WWP2: variants seen among roughly 807,000 people sequenced by gnomAD.
The protein encoded by WWP2 is WW domain containing E3 ubiquitin protein ligase 2, also known as NEDD4-like E3 ubiquitin-protein ligase WWP2.
A neutral mutation model predicts 121.0 loss-of-function variants in WWP2; 57 were observed. The ratio of observed to expected loss-of-function variants is 0.47; its 90% CI spans 0.38 to 0.59. The LOEUF (loss-of-function observed/expected upper bound fraction) is 0.59, where lower values mean the gene tolerates loss of function less well. Among genes scored for constraint, WWP2 ranks in the 20% least tolerant of loss-of-function variants. The probability of loss-of-function intolerance (pLI) is 0.00; values close to 1 mark genes in which losing one functional copy is unlikely to be tolerated. For missense variants in WWP2, 962 were observed against 1,158.9 expected (o/e 0.83, Z 2.47); for synonymous variants, 449 against 441.3 (o/e 1.02, Z -0.22).
chr16:69,917,841 C>T lies in WWP2; in HGVS notation c.1137C>T (p.Leu379=). 1 of 1,613,824 alleles carries T rather than the reference C, an allele frequency of 6.2e-7. No homozygotes were observed. The highest frequency in any genetic ancestry group is 2.2e-5 in the East Asian group (1 of 44,870). Residue 379 remains leucine, a synonymous_variant, in exon 10 of 24, where the codon CTC becomes CTT. Coordinates refer to ENST00000359154, the MANE Select transcript of WWP2 (RefSeq NM_001270454.2). Reference sequence around the variant, plus strand: ...AGTGGCAGTCGCAGCGGAATCAGCTCCAGGGGGCCATGCAGCACTTCAGCC... The same window carrying T: ...AGTGGCAGTCGCAGCGGAATCAGCTTCAGGGGGCCATGCAGCACTTCAGCC... ...YEQWQSQRNQ[L]QGAMQHFSQR... is the part of the protein sequence containing the mutation.
chr16:69,851,906 C>A (rs2057221163), intron 6 of WWP2, among the ~76,000 whole-genome samples: 1 of 152,124 alleles, frequency 6.6e-6, no homozygotes, highest in Non-Finnish European at 1.5e-5. Flanking sequence ...TAGCTTAAAT[C>A]TGGGGGGTGG....
At chr16:69,780,001 C>G (rs1265313883) in intron 1 of WWP2, among the ~76,000 whole-genome samples, 1 of 152,120 alleles carries the variant, frequency 6.6e-6, no homozygotes, top group African/African-American at 2.4e-5. Context: ...GCCATATTTG[C>G]CCCAGAACTT....
intron 2 of WWP2, among the ~76,000 whole-genome samples, chr16:69,790,220 C>G (rs984789562): frequency 1.3e-5 from 2 of 152,104 alleles, no homozygotes; most frequent in African/African-American, 4.8e-5. Context: ...GCACTCCAGC[C>G]TGGGCAACAA....
chr16:69,831,084 C>CT (rs1357905173), intron 4 of WWP2, among the ~76,000 whole-genome samples: 1 of 152,176 alleles, frequency 6.6e-6, no homozygotes, highest in Non-Finnish European at 1.5e-5. Flanking sequence ...GCTTGTTTCA[C>CT]TAAGCAGGTC....
chr16:69,856,402 T>C (rs966440769), intron 6 of WWP2, among the ~76,000 whole-genome samples: 1 of 152,140 alleles, frequency 6.6e-6, no homozygotes, highest in African/African-American at 2.4e-5. Context: ...AAACATTTGG[T>C]AAAACTTGCC....
chr16:69,831,203 T>G (rs1490023488), intron 4 of WWP2, among the ~76,000 whole-genome samples: 1 of 152,230 alleles, frequency 6.6e-6, no homozygotes, highest in Admixed American at 6.5e-5. Flanking sequence ...TGTTTCATGT[T>G]TCTCAAATTT....
At chr16:69,846,705 G>A (rs2057086988) in intron 6 of WWP2, among the ~76,000 whole-genome samples, 1 of 151,242 alleles carries the variant, frequency 6.6e-6, no homozygotes. Flanking sequence ...GAGTGATGGA[G>A]TGAGACTCTG....
chr16:69,795,593 C>T (rs1270887253), intron 2 of WWP2, among the ~76,000 whole-genome samples: 2 of 138,798 alleles, frequency 1.4e-5, no homozygotes, highest in Non-Finnish European at 3.1e-5. Context: ...GAAGAGTATA[C>T]AGTATTTATT....
chr16:69,794,930 C>T (rs558647966), intron 2 of WWP2, among the ~76,000 whole-genome samples: 16 of 152,026 alleles, frequency 1.1e-4, no homozygotes, highest in Non-Finnish European at 2.1e-4. Context: ...AAAAATATGT[C>T]TGGGGACTGG....
At chr16:69,776,633 C>A (rs1175552005) in intron 1 of WWP2, among the ~76,000 whole-genome samples, 1 of 152,042 alleles carries the variant, frequency 6.6e-6, no homozygotes, top group Non-Finnish European at 1.5e-5. Flanking sequence ...TGTTCGAGAC[C>A]AGCCTTAACA....
intron 6 of WWP2, among the ~76,000 whole-genome samples, chr16:69,864,863 C>T (rs928220141): frequency 2.0e-5 from 3 of 152,058 alleles, no homozygotes; most frequent in African/African-American, 4.8e-5. Context: ...CCGCCTGCCT[C>T]GGCCTCCCAA....
chr16:69,777,205 A>ATATACACATAT (rs2055552756), intron 1 of WWP2, among the ~76,000 whole-genome samples: 3 of 151,786 alleles, frequency 2.0e-5, no homozygotes, highest in South Asian at 2.1e-4. Flanking sequence ...ATACATATGG[A>ATATACACATAT]GATATCATAT....
At chr16:69,885,068 T>TAC (rs200264806) in intron 7 of WWP2, among the ~76,000 whole-genome samples, 2 of 141,508 alleles carry the variant, frequency 1.4e-5, no homozygotes, top group Non-Finnish European at 3.1e-5. Context: ...AAACTCCCCC[T>TAC]ACACACACAC....
At chr16:69,894,177 G>T (rs1271947355) in intron 8 of WWP2, among the ~76,000 whole-genome samples, 3 of 151,156 alleles carry the variant, frequency 2.0e-5, no homozygotes, top group Non-Finnish European at 4.4e-5. Flanking sequence ...CAAGGCTCAA[G>T]TAATACTCCT....
chr16:69,811,379 G>A lies in WWP2; in HGVS notation c.340+12084G>A, dbSNP rs112071187. Among the ~76,000 whole-genome samples, 1,151 of 152,202 alleles carry A rather than the reference G, an allele frequency of 7.6e-3. 16 individuals carry two copies. Among genetic ancestry groups the A allele is most frequent in the African/African-American group, 0.026 (1,070 of 41,508 alleles). The stretch of plus-strand genomic sequence containing the variant: ...CCCAGCATTTTGGGAGGCTAAGGCA[G>A]GAGGTTTGCTTGAGCGTGGGAGTTC... On this transcript the variant is annotated intron_variant, in intron 4 of 23. Transcript: ENST00000359154.
rs759327057 is a variant in WWP2 at position 69,871,891 on chromosome 16, C to T, written c.663C>T (p.Pro221=). ...SPGARSRHRQ[P]VKNSGHSGLA... ...GTGCTCGGAGCCGGCACCGCCAGCCCGTCAAGAACTCAGGCCACAGTGGCT... is the reference window on the plus strand; with the variant it reads ...GTGCTCGGAGCCGGCACCGCCAGCCTGTCAAGAACTCAGGCCACAGTGGCT... Residue 221 remains proline, a synonymous_variant, in exon 7 of 24, where the codon CCC becomes CCT. Transcript: ENST00000359154. 2.9e-5 allele frequency: 46 copies of T among 1,613,928 alleles called. No individual in the cohort carries two copies. The South Asian group carries it at 3.7e-4, about 13-fold the overall frequency.
intron 4 of WWP2, among the ~76,000 whole-genome samples, chr16:69,832,294 ATTC>A (rs1390817658): frequency 7.9e-5 from 12 of 152,166 alleles, no homozygotes; most frequent in African/African-American, 2.9e-4. Context: ...ATGACGGGCC[ATTC>A]CTGTCTCATC....
chr16:69,762,758 C>G (rs1481615016), intron 1 of WWP2, among the ~76,000 whole-genome samples: 1 of 152,136 alleles, frequency 6.6e-6, no homozygotes. Flanking sequence ...TGGAACTGAG[C>G]TGGAAGGGGG....
At position 69,862,705 on chromosome 16, in the gene WWP2, A is replaced by G. The variant is rs139927614; in HGVS notation, c.576-9099A>G. Among the ~76,000 whole-genome samples, 682 of 130,130 alleles carry G rather than the reference A, an allele frequency of 5.2e-3. 7 individuals are homozygous for G. Among genetic ancestry groups the G allele is most frequent in the African/African-American group, 0.019 (642 of 33,594 alleles). 85.4% of individuals were successfully genotyped at this position (130,130 alleles called of 152,430 possible). On this transcript the variant is annotated intron_variant, in intron 6 of 23. Coordinates refer to ENST00000359154, the MANE Select transcript of WWP2 (RefSeq NM_001270454.2). ...GAACCTGGTATCCAGCCAGCCATGAATTCTTTTTTTTTTTTTTTTTTTTTT... is the reference window on the plus strand; with the variant it reads ...GAACCTGGTATCCAGCCAGCCATGAGTTCTTTTTTTTTTTTTTTTTTTTTT...
Sources: gnomAD v4.1 joint callset for allele counts (sites outside exome capture counted in the v4.1 genomes callset) on GRCh38, gnomAD v4.1.1 for gene constraint, MANE v1.5 for transcripts, NCBI Gene and HGNC (gene_info 2026-07-23, HGNC 2026-07-21) for gene names.